The following RAP1GAP2 variants were observed in gnomAD, a reference collection of about 807,000 sequenced individuals.
The protein encoded by RAP1GAP2 is rap1 GTPase-activating protein 2.
In RAP1GAP2, 27 loss-of-function variants were observed where a neutral mutation model predicts 95.0. That is an observed-to-expected ratio of 0.28 (90% CI 0.21 to 0.39). The LOEUF is 0.39. RAP1GAP2 is among the 10% of genes least tolerant of loss of function. The probability of loss-of-function intolerance (pLI) is 1.00; values close to 1 mark genes in which losing one functional copy is unlikely to be tolerated. For synonymous variants in RAP1GAP2, 373 were observed against 380.9 expected (o/e 0.98, Z 0.24); for missense variants, 771 against 970.0 (o/e 0.79, Z 2.72).
At chr17:3,032,095 C>T (rs555955055) in intron 23 of RAP1GAP2, among the ~76,000 whole-genome samples, 2 of 144,588 alleles carry the variant, frequency 1.4e-5, no homozygotes. Context: ...ATCGAGAGCT[C>T]CAGGTCCAGA....
chr17:2,895,877 C>T (rs778185165), intron 2 of RAP1GAP2, among the ~76,000 whole-genome samples: 9 of 152,178 alleles, frequency 5.9e-5, no homozygotes, highest in African/African-American at 2.2e-4. Flanking sequence ...CGCGCCCGGC[C>T]TGCCCTCCCC....
chr17:2,875,705 T>C (rs1480622771), intron 2 of RAP1GAP2, among the ~76,000 whole-genome samples: 1 of 152,066 alleles, frequency 6.6e-6, no homozygotes, highest in Non-Finnish European at 1.5e-5. Flanking sequence ...CCTCCTGGTT[T>C]CCCTCCGTCT....
chr17:2,993,219 CAAAA>C (rs201866665), intron 12 of RAP1GAP2, among the ~76,000 whole-genome samples: 2 of 105,570 alleles, frequency 1.9e-5, no homozygotes. Flanking sequence ...GAGACTCTGT[CAAAA>C]AAAAAAAAAA....
At chr17:2,830,961 TCCCCTTCCCTC>T (rs2070810547) in intron 2 of RAP1GAP2, among the ~76,000 whole-genome samples, 1 of 89,950 alleles carries the variant, frequency 1.1e-5, no homozygotes, top group Non-Finnish European at 2.3e-5. Context: ...TCCCCTCCCC[TCCCCTTCCCTC>T]CCTTCCCCTA....
Position 2,863,808 on chromosome 17 carries a change from G to A in RAP1GAP2, c.81-41476G>A, listed in dbSNP as rs181925404. ...ACGGTGGCTCACACCAGTAATCCCA[G>A]CGCCTTGGGAGGCCAAGGCAGGCGG... On this transcript the variant is annotated intron_variant, in intron 2 of 24. Transcript: ENST00000254695. Among the ~76,000 whole-genome samples the A allele has an allele frequency of 3.3e-5, 5 of 152,278 alleles. No individual in the cohort carries two copies. In the East Asian group the frequency reaches 9.7e-4, roughly 29 times the overall value.
intron 2 of RAP1GAP2, among the ~76,000 whole-genome samples, chr17:2,887,876 G>A (rs1378997918): frequency 6.6e-5 from 10 of 151,988 alleles, no homozygotes; most frequent in African/African-American, 2.4e-4. Context: ...GTTTCACCAT[G>A]TTGGGCAGGC....
intron 1 of RAP1GAP2, among the ~76,000 whole-genome samples, chr17:2,778,504 G>C: frequency 1.3e-5 from 2 of 151,996 alleles, no homozygotes; most frequent in East Asian, 3.9e-4. Context: ...CTGGAGGCAC[G>C]CTTGCAGCTC....
chr17:2,949,911 G>C (rs1020728485), intron 3 of RAP1GAP2, among the ~76,000 whole-genome samples: 2 of 152,204 alleles, frequency 1.3e-5, no homozygotes, highest in African/African-American at 2.4e-5. Context: ...GCTGATTTCT[G>C]CTGCTGGGCA....
At chr17:2,818,890 GGGTT>G (rs2070157403) in intron 2 of RAP1GAP2, among the ~76,000 whole-genome samples, 6 of 152,012 alleles carry the variant, frequency 3.9e-5, no homozygotes, top group African/African-American at 1.5e-4. Flanking sequence ...CCTACTGCAA[GGGTT>G]GTTTTGGAGA....
At chr17:2,994,374 G>A (rs894767062) in intron 12 of RAP1GAP2, among the ~76,000 whole-genome samples, 1 of 152,202 alleles carries the variant, frequency 6.6e-6, no homozygotes. Context: ...AAAGCTGGCA[G>A]CCGTGTGTAT....
Position 2,914,707 on chromosome 17 carries a change from G to A in RAP1GAP2, c.165+9339G>A, listed in dbSNP as rs574755651. 4.6e-5 allele frequency among the ~76,000 whole-genome samples: 7 copies of A among 150,850 alleles called. No homozygotes were observed. In the South Asian group the frequency reaches 1.3e-3, roughly 27 times the overall value. ...GGGTTTCACCGTGTTAGCCAGGATG[G>A]TCTCAATCTCCTGACCTTGTGATCC... On this transcript the variant is annotated intron_variant, in intron 3 of 24. Coordinates refer to ENST00000254695, the MANE Select transcript of RAP1GAP2 (RefSeq NM_015085.5).
chr17:2,835,684 C>T (rs1339863156), intron 2 of RAP1GAP2, among the ~76,000 whole-genome samples: 3 of 152,184 alleles, frequency 2.0e-5, no homozygotes, highest in Non-Finnish European at 2.9e-5. Context: ...ATGATCGCAC[C>T]ACTGCATTCC....
rs1261423679 is a variant in RAP1GAP2 at position 2,855,142 on chromosome 17, C to T, written c.81-50142C>T. ...ACTTTGAGAAGCTGGCATGGATTGC[C>T]CTTGTGGTGGGTTGTCCCCCATTCC... On this transcript the variant is annotated intron_variant, in intron 2 of 24. Transcript: ENST00000254695. This position sits in a 1 kb window ranked among gnomAD's most constrained non-coding sequence, Gnocchi z 4.3. Among the ~76,000 whole-genome samples, 1 of 152,142 alleles carries T rather than the reference C, an allele frequency of 6.6e-6. No individual in the cohort carries two copies. The highest frequency in any genetic ancestry group is 2.4e-5 in the African/African-American group (1 of 41,430).
chr17:2,991,249 C>G (rs757733767), intron 11 of RAP1GAP2, 48 bp from the exon 12 acceptor site: 1 of 1,429,630 alleles, frequency 7.0e-7, no homozygotes, highest in East Asian at 2.4e-5. Context: ...CCTTTAGCAT[C>G]AGAAAGAATT....
intron 3 of RAP1GAP2, among the ~76,000 whole-genome samples, chr17:2,929,087 G>T (rs1201981064): frequency 1.4e-4 from 21 of 152,190 alleles, no homozygotes. Flanking sequence ...ACAAAAACTA[G>T]TTGGGCATGG....
At chr17:2,760,577 G>A (rs1404265214) in intron 1 of RAP1GAP2, among the ~76,000 whole-genome samples, 1 of 151,104 alleles carries the variant, frequency 6.6e-6, no homozygotes, top group Non-Finnish European at 1.5e-5. Context: ...CTGACCTCAG[G>A]TGATCCATCG....
chr17:2,817,993 C>T (rs980224530), intron 2 of RAP1GAP2, among the ~76,000 whole-genome samples: 2 of 151,492 alleles, frequency 1.3e-5, no homozygotes, highest in East Asian at 1.9e-4. Flanking sequence ...CCCACGACCA[C>T]GCCTGGCTAA....
chr17:2,916,348 G>A (rs1167807404), intron 3 of RAP1GAP2, among the ~76,000 whole-genome samples: 2 of 152,192 alleles, frequency 1.3e-5, no homozygotes, highest in African/African-American at 4.8e-5. Context: ...GAGCTTAGAC[G>A]TGGTCTCAGA....
At chr17:2,943,213 A>C (rs1353026516) in intron 3 of RAP1GAP2, among the ~76,000 whole-genome samples, 1 of 152,054 alleles carries the variant, frequency 6.6e-6, no homozygotes, top group Non-Finnish European at 1.5e-5. Context: ...ATAGAGATTG[A>C]ATTATTAGGC....
Sources: allele counts gnomAD v4.1 joint callset (sites outside exome capture counted in the v4.1 genomes callset), GRCh38; gene constraint gnomAD v4.1.1; non-coding constraint Gnocchi (gnomAD v3.1); transcripts MANE v1.5; gene names NCBI Gene and HGNC (gene_info 2026-07-23, HGNC 2026-07-21).